Variants in UNC13A observed in about 807,000 individuals in gnomAD.
The protein encoded by UNC13A is protein unc-13 homolog A.
UNC13A carries 61 observed loss-of-function variants against 219.7 expected under a neutral mutation model. The ratio of observed to expected loss-of-function variants is 0.28; its 90% CI spans 0.23 to 0.34. The LOEUF (loss-of-function observed/expected upper bound fraction) is 0.34. UNC13A is among the 10% of genes least tolerant of loss of function. The pLI, the probability that UNC13A is intolerant of heterozygous loss-of-function variation, is 1.00. For synonymous variants in UNC13A, 920 were observed against 884.6 expected (o/e 1.04, Z -0.71); for missense variants, 1,476 against 2,270.3 (o/e 0.65, Z 7.11).
Position 17,630,744 on chromosome 19 carries a change from A to C in UNC13A, c.3435T>G (p.Phe1145Leu). 1 of 1,613,604 alleles carries C rather than the reference A, an allele frequency of 6.2e-7. No homozygotes were observed. The highest frequency in any genetic ancestry group is 8.5e-7 in the Non-Finnish European group (1 of 1,179,754). ...KDRVPEYPAW[F>L]EPFVIQWLDE... ...CCAGCCACTGGATGACGAAGGGTTC[A>C]AACCATCTGGAATGAAGAGCCGGGG... is the stretch of plus-strand genomic sequence containing the variant. The change falls in exon 29 of 44, where the codon TTT becomes TTG. Residue 1145 changes from phenylalanine (F) to leucine (L), a missense_variant. Physicochemically the swap from Phe to Leu is conservative, Grantham distance 22 (BLOSUM62 0). Coordinates refer to ENST00000519716, the MANE Select transcript of UNC13A (RefSeq NM_001080421.3).
At chr19:17,628,858 G>A (rs2076811750) in intron 31 of UNC13A, among the ~76,000 whole-genome samples, 2 of 151,244 alleles carry the variant, frequency 1.3e-5, no homozygotes, top group South Asian at 2.1e-4. Context: ...AATCACACAC[G>A]CACACTCAGA....
chr19:17,623,235 T>G, intron 36 of UNC13A: 1 of 395,742 alleles, frequency 2.5e-6, no homozygotes, highest in Non-Finnish European at 4.5e-6. Context: ...GGGAGCAAGG[T>G]TGGATTCTAC....
chr19:17,621,048 T>A (rs904504290), intron 37 of UNC13A, among the ~76,000 whole-genome samples: 16 of 152,048 alleles, frequency 1.1e-4, no homozygotes, highest in Non-Finnish European at 2.1e-4. Context: ...TGTCTCCTCC[T>A]CCATTCCCTA....
In UNC13A at chr19:17,636,131, C is replaced by G; in HGVS notation, c.3108G>C (p.Glu1036Asp). The change falls in exon 26 of 44, where the codon GAG (glutamate) becomes GAC (aspartate). Residue 1036 changes from glutamate to aspartate, a missense_variant. Around this residue, in one of 14 missense-constraint regions of UNC13A, gnomAD observed 24 missense variants for 16.0 expected, o/e 1.50. Coordinates refer to ENST00000519716, the MANE Select transcript of UNC13A (RefSeq NM_001080421.3). Reference sequence around the variant, plus strand: ...GGTTCTTGATGCTGGGCCCCTGTTCCTCTGGGAGAACTTCCCCCTTCTTGG... The same window carrying G: ...GGTTCTTGATGCTGGGCCCCTGTTCGTCTGGGAGAACTTCCCCCTTCTTGG... ...DPAKKGEVLP[E>D]EQGPSIKNLD... The G allele has an allele frequency of 3.7e-6, 6 of 1,603,842 alleles. No individual in the cohort carries two copies. Among genetic ancestry groups the G allele is most frequent in the Non-Finnish European group, 5.1e-6 (6 of 1,174,842 alleles).
At chr19:17,660,192 G>A (rs1016104240) in intron 8 of UNC13A, among the ~76,000 whole-genome samples, 2 of 152,070 alleles carry the variant, frequency 1.3e-5, no homozygotes, top group Non-Finnish European at 2.9e-5. Flanking sequence ...GAGCCACCTC[G>A]GCCGGCCAGC....
At chr19:17,639,390 T>C (rs564910599) in intron 24 of UNC13A, 46 bp downstream of exon 24, 15 of 1,591,022 alleles carry the variant, frequency 9.4e-6, no homozygotes, top group Non-Finnish European at 1.0e-5. Context: ...CTGGGGATCC[T>C]AGAGAACCCT....
intron 11 of UNC13A, 103 bp from the exon 12 acceptor site, chr19:17,652,780 G>T: frequency 7.5e-7 from 1 of 1,333,834 alleles, no homozygotes; most frequent in Non-Finnish European, 1.1e-6. Flanking sequence ...GGAGTCAGAT[G>T]GCCTGGGTCC....
chr19:17,662,274 G>T (rs904633901), intron 8 of UNC13A, among the ~76,000 whole-genome samples: 1 of 151,742 alleles, frequency 6.6e-6, no homozygotes, highest in Admixed American at 6.6e-5. Context: ...TCACGGGAGC[G>T]TGAACCCTAC....
intron 36 of UNC13A, among the ~76,000 whole-genome samples, 165 bp from the exon 37 acceptor site, chr19:17,622,035 GCA>G (rs1271682463): frequency 3.3e-5 from 5 of 152,198 alleles, no homozygotes; most frequent in Non-Finnish European, 5.9e-5. Context: ...CTGTGTGTGT[GCA>G]CACACGTGCA....
intron 1 of UNC13A, 131 bp downstream of exon 1, chr19:17,688,047 T>C: frequency 2.5e-6 from 3 of 1,188,908 alleles, no homozygotes; most frequent in South Asian, 3.4e-5. Context: ...CGACAAGGGC[T>C]ACCCCTCTCA....
rs1242582106 is a variant in UNC13A, at chr19:17,604,524, C to CTGA, written c.*1527_*1529dup. Reference sequence around the variant, plus strand: ...TCTTCACCTCGGAAAGCCTCCCCATCTGATGTTCTATCCTCCAGAAACCCA... The same window carrying CTGA: ...TCTTCACCTCGGAAAGCCTCCCCATCTGATGATGTTCTATCCTCCAGAAACCCA... On this transcript the variant is annotated 3_prime_UTR_variant, in exon 44 of 44. Transcript: ENST00000519716. 1 of 152,308 alleles carries CTGA rather than the reference C, an allele frequency of 6.6e-6. No homozygotes were observed. Among genetic ancestry groups the CTGA allele is most frequent in the Non-Finnish European group, 1.5e-5 (1 of 68,116 alleles). The allele number at this position is 152,308 out of a possible 1,614,324, so 9.4% of individuals were successfully genotyped here.
chr19:17,606,111 C>G lies in UNC13A; in HGVS notation c.5055G>C (p.Val1685=), dbSNP rs1453668881. 6.3e-7 allele frequency: 1 copy of G among 1,597,188 alleles called. No homozygotes were observed. The highest frequency in any genetic ancestry group is 2.3e-5 in the East Asian group (1 of 43,054). Residue 1685 remains valine (V), a synonymous_variant, in exon 44 of 44, where the codon GTG becomes GTC. Transcript: ENST00000519716. Reference sequence around the variant, plus strand: ...CGGAGCGCGTGTCCGACTTGAGCTTCACGAACTCCTTGGCCACCTCGTCGT... The same window carrying G: ...CGGAGCGCGTGTCCGACTTGAGCTTGACGAACTCCTTGGCCACCTCGTCGT... ...RSNDEVAKEF[V]KLKSDTRSAE...
At chr19:17,637,396 C>T (rs1301414643) in intron 25 of UNC13A, among the ~76,000 whole-genome samples, 3 of 151,762 alleles carry the variant, frequency 2.0e-5, no homozygotes, top group Admixed American at 1.3e-4. Flanking sequence ...CTCCCAGGTT[C>T]ACACCATTCT....
chr19:17,614,982 C>A (rs1435359461), intron 41 of UNC13A, among the ~76,000 whole-genome samples: 1 of 152,100 alleles, frequency 6.6e-6, no homozygotes, highest in African/African-American at 2.4e-5. Flanking sequence ...GTGCTGGGTG[C>A]CCCCATCCCG....
intron 9 of UNC13A, 77 bp from the exon 10 acceptor site, chr19:17,656,475 A>G: frequency 1.5e-6 from 2 of 1,365,236 alleles, no homozygotes; most frequent in South Asian, 1.5e-5. Flanking sequence ...ACAGGCATTG[A>G]CTCATCACCG....
rs2287851 is a variant in UNC13A at position 17,617,693 on chromosome 19, T to C, written c.4558+9A>G. On this transcript the variant is annotated intron_variant, in intron 41 of 43. Coordinates refer to ENST00000519716, the MANE Select transcript of UNC13A (RefSeq NM_001080421.3). ...GCGGGAAAGGGTGATGCGGTCTGGG[T>C]ACCCTTACCCTGGGCCGATTGCGTC... is the stretch of plus-strand genomic sequence containing the variant. 0.45 allele frequency: 728,555 copies of C among 1,611,032 alleles called. 174,785 individuals carry two copies. Among genetic ancestry groups the C allele is most frequent in the African/African-American group, 0.77 (57,897 of 74,904 alleles).
In UNC13A at chr19:17,630,642, G is replaced by T. The variant is rs2076833057; in HGVS notation, c.3525+12C>A. ...GAAGATTAGGAACTTGGTTGTGGGT[G>T]GGCCTTCTTACCCCATCCTTCTTGT... On this transcript the variant is annotated intron_variant, in intron 29 of 43. Transcript: ENST00000519716. 4 of 1,613,480 alleles carry T rather than the reference G, an allele frequency of 2.5e-6. No individual in the cohort carries two copies. In the Admixed American group the frequency reaches 5.0e-5, roughly 20 times the overall value.
chr19:17,650,716 G>T (rs938779249), intron 12 of UNC13A, among the ~76,000 whole-genome samples: 2 of 151,596 alleles, frequency 1.3e-5, no homozygotes, highest in African/African-American at 4.8e-5. Context: ...GACCTCAGGC[G>T]ATCCGCCCAC....
rs759969614 is a variant in UNC13A, at chr19:17,642,768, G to A, written c.2472+77C>T. 606 of 1,279,412 alleles carry A rather than the reference G, an allele frequency of 4.7e-4. 1 individual carries two copies. The highest frequency in any genetic ancestry group is 6.5e-4 in the Non-Finnish European group (587 of 907,130). 79.3% of individuals were successfully genotyped at this position (1,279,412 alleles called of 1,614,324 possible). On this transcript the variant is annotated intron_variant, in intron 20 of 43. Transcript: ENST00000519716. ...GGGCCAGGAGAGTGTGGATGGTGTG[G>A]CCAGAAAGAGGAAGAGCTGGGCAGG...
Sources: gnomAD v4.1 joint callset for allele counts (sites outside exome capture counted in the v4.1 genomes callset) on GRCh38, gnomAD v4.1.1 for gene constraint, gnomAD v4.1.1 regional missense constraint, MANE v1.5 for transcripts, NCBI Gene and HGNC (gene_info 2026-07-23, HGNC 2026-07-21) for gene names.